Variants in WDR7 observed in about 807,000 individuals in gnomAD.
WDR7 encodes the protein WD repeat-containing protein 7.
Under a neutral mutation model 169.4 loss-of-function variants are expected in WDR7, and 46 were observed. The ratio of observed to expected loss-of-function variants is 0.27; its 90% CI spans 0.21 to 0.35. The LOEUF is 0.35. WDR7 is among the 10% of genes least tolerant of loss of function. WDR7 has a pLI of 1.00. For synonymous variants in WDR7, 612 were observed against 666.8 expected (o/e 0.92, Z 1.27); for missense variants, 1,534 against 1,859.3 (o/e 0.83, Z 3.22).
chr18:56,998,340 A>G (rs191666527), intron 26 of WDR7, among the ~76,000 whole-genome samples: 17 of 152,200 alleles, frequency 1.1e-4, no homozygotes, highest in Admixed American at 8.5e-4. Flanking sequence ...CTCTGCACAT[A>G]TATTTGACTC....
intron 21 of WDR7, among the ~76,000 whole-genome samples, chr18:56,883,230 A>AAG (rs1568247087): frequency 6.7e-6 from 1 of 148,406 alleles, no homozygotes. Flanking sequence ...AAAAAAAAAA[A>AAG]GCAGGAAGGT....
At chr18:57,032,799 TTTTATA>T (rs1387031114), downstream of WDR7, 1 of 85,438 alleles carries the variant, frequency 1.2e-5, no homozygotes, top group Non-Finnish European at 2.3e-5. Context: ...TGTATAATTA[TTTTATA>T]TATATATATA....
chr18:56,771,701 G>A (rs1240408626), intron 16 of WDR7, among the ~76,000 whole-genome samples: 1 of 151,818 alleles, frequency 6.6e-6, no homozygotes, highest in Non-Finnish European at 1.5e-5. Context: ...GACCAACTTG[G>A]AGAAACCCCA....
chr18:56,917,854 C>CT (rs1266831699), intron 21 of WDR7, among the ~76,000 whole-genome samples: 2 of 151,256 alleles, frequency 1.3e-5, no homozygotes, highest in African/African-American at 2.4e-5. Flanking sequence ...CTCATAGCAC[C>CT]TTTAAAAAAA....
intron 21 of WDR7, among the ~76,000 whole-genome samples, chr18:56,894,967 T>G (rs1356567846): frequency 6.6e-6 from 1 of 152,070 alleles, no homozygotes; most frequent in Non-Finnish European, 1.5e-5. Flanking sequence ...AAATTCAGTA[T>G]CTTTTCCACA....
At chr18:56,830,810 G>A (rs918530413) in intron 20 of WDR7, among the ~76,000 whole-genome samples, 2 of 152,176 alleles carry the variant, frequency 1.3e-5, no homozygotes, top group Non-Finnish European at 2.9e-5. Context: ...GGGTTCCAGC[G>A]ATTCTCCTGC....
chr18:56,869,322 CAGAA>C (rs1377775906), intron 20 of WDR7, among the ~76,000 whole-genome samples: 1 of 152,112 alleles, frequency 6.6e-6, no homozygotes, highest in Admixed American at 6.6e-5. Flanking sequence ...TCAGCAGCTG[CAGAA>C]AGAAATATGC....
intron 20 of WDR7, among the ~76,000 whole-genome samples, chr18:56,877,682 C>T (rs765660504): frequency 2.6e-5 from 4 of 152,120 alleles, no homozygotes; most frequent in Non-Finnish European, 5.9e-5. Flanking sequence ...TCCATGCATA[C>T]GTTTGTTTAT....
intron 21 of WDR7, among the ~76,000 whole-genome samples, chr18:56,907,637 G>T (rs2046497421): frequency 6.6e-6 from 1 of 152,140 alleles, no homozygotes; most frequent in Non-Finnish European, 1.5e-5. Flanking sequence ...TTTAGGCTCG[G>T]TAATTTATTA....
chr18:56,969,550 T>C (rs2047455037), intron 26 of WDR7, among the ~76,000 whole-genome samples: 1 of 152,230 alleles, frequency 6.6e-6, no homozygotes, highest in African/African-American at 2.4e-5. Flanking sequence ...TTTATCTTTA[T>C]ATTATATTGA....
intron 1 of WDR7, among the ~76,000 whole-genome samples, chr18:56,657,141 A>C (rs1347365540): frequency 5.3e-5 from 8 of 149,942 alleles, no homozygotes; most frequent in African/African-American, 2.0e-4. Flanking sequence ...TCCCTGTGAC[A>C]GTTTTTTAAT....
At chr18:56,834,359 C>T (rs748606450) in intron 20 of WDR7, among the ~76,000 whole-genome samples, 1 of 152,082 alleles carries the variant, frequency 6.6e-6, no homozygotes, top group African/African-American at 2.4e-5. Flanking sequence ...GGTGGTATAA[C>T]GATGTGACTC....
chr18:56,918,411 A>G (rs2046659208), intron 21 of WDR7, among the ~76,000 whole-genome samples: 1 of 152,200 alleles, frequency 6.6e-6, no homozygotes. Context: ...TAGTAAATTT[A>G]TTACAAATGG....
intron 19 of WDR7, among the ~76,000 whole-genome samples, chr18:56,799,870 T>G (rs2044644170): frequency 6.6e-6 from 1 of 152,170 alleles, no homozygotes; most frequent in Non-Finnish European, 1.5e-5. Context: ...TCTGTAAGAG[T>G]AATTGATCTA....
intron 21 of WDR7, among the ~76,000 whole-genome samples, chr18:56,894,316 A>G (rs1056777618): frequency 2.0e-5 from 3 of 152,060 alleles, no homozygotes; most frequent in Admixed American, 6.6e-5. Flanking sequence ...TCTAAAAGCC[A>G]GAGTCCTCCC....
chr18:56,779,664 G>A, intron 18 of WDR7, 115 bp downstream of exon 18: 1 of 754,876 alleles, frequency 1.3e-6, no homozygotes, highest in South Asian at 2.1e-5. Context: ...TTCATTATGT[G>A]ATAGAAAATG....
At chr18:56,780,668 C>CA (rs934650575) in intron 18 of WDR7, among the ~76,000 whole-genome samples, 4 of 152,112 alleles carry the variant, frequency 2.6e-5, no homozygotes, top group African/African-American at 9.7e-5. Flanking sequence ...GTCGTGGTGG[C>CA]ATACGCCTGT....
Position 56,834,176 on chromosome 18 carries a change from A to G in WDR7, c.3304+18032A>G, listed in dbSNP as rs138789111. Among the ~76,000 whole-genome samples, 27 of 152,328 alleles carry G rather than the reference A, an allele frequency of 1.8e-4. No individual in the cohort carries two copies. The East Asian group carries it at 5.2e-3, about 29-fold the overall frequency. ...CATAACAGCTTGCATCTTTGAAGAC[A>G]GCACAACAATCTCTCTACTAGGTGC... On this transcript the variant is annotated intron_variant, in intron 20 of 27. Coordinates refer to ENST00000254442, the MANE Select transcript of WDR7 (RefSeq NM_015285.3).
chr18:56,654,777 T>C (rs746877386), intron 1 of WDR7, among the ~76,000 whole-genome samples: 41 of 152,354 alleles, frequency 2.7e-4, no homozygotes, highest in Non-Finnish European at 4.1e-4. Flanking sequence ...TGCTATGTTA[T>C]GTACTGCTAA....
Sources: allele counts gnomAD v4.1 joint callset (sites outside exome capture counted in the v4.1 genomes callset), GRCh38; gene constraint gnomAD v4.1.1; transcripts MANE v1.5; gene names NCBI Gene and HGNC (gene_info 2026-07-23, HGNC 2026-07-21).